Variants in OSBPL6 observed in about 807,000 individuals in gnomAD.
OSBPL6 encodes the protein oxysterol-binding protein-related protein 6.
A neutral mutation model predicts 125.8 loss-of-function variants in OSBPL6; 49 were observed. The ratio of observed to expected loss-of-function variants is 0.39; its 90% CI spans 0.31 to 0.49. The LOEUF is 0.49. OSBPL6 is among the 20% of genes least tolerant of loss of function. The pLI is 0.88. For missense variants in OSBPL6, 986 were observed against 1,135.4 expected (o/e 0.87, Z 1.89); for synonymous variants, 394 against 391.8 (o/e 1.01, Z -0.07).
At chr2:178,226,962 A>G (rs2090590143) in intron 1 of OSBPL6, among the ~76,000 whole-genome samples, 1 of 152,208 alleles carries the variant, frequency 6.6e-6, no homozygotes, top group African/African-American at 2.4e-5. Flanking sequence ...CTTCAATACA[A>G]TTTCTGGGAA....
intron 2 of OSBPL6, among the ~76,000 whole-genome samples, chr2:178,288,955 C>T (rs182155533): frequency 4.1e-4 from 61 of 147,198 alleles, no homozygotes; most frequent in African/African-American, 1.3e-3. Context: ...CGGCCAGGGA[C>T]GTTTTTTCTT....
intron 2 of OSBPL6, among the ~76,000 whole-genome samples, chr2:178,298,043 A>G (rs1231459005): frequency 6.6e-6 from 1 of 152,178 alleles, no homozygotes; most frequent in Non-Finnish European, 1.5e-5. Flanking sequence ...AGACCCTGAT[A>G]ACCACCATTC....
chr2:178,390,487 A>C (rs1695312587), intron 21 of OSBPL6, among the ~76,000 whole-genome samples: 1 of 152,198 alleles, frequency 6.6e-6, no homozygotes, highest in Admixed American at 6.5e-5. Flanking sequence ...TGGGTGCATG[A>C]ATCCAAGGAA....
chr2:178,194,209 C>G (rs1309940629), upstream of OSBPL6, among the ~76,000 whole-genome samples: 1 of 152,154 alleles, frequency 6.6e-6, no homozygotes, highest in East Asian at 1.9e-4. Context: ...CGGGTGATCT[C>G]GGGACACCAC....
intron 1 of OSBPL6, among the ~76,000 whole-genome samples, chr2:178,210,879 G>A (rs967710192): frequency 1.3e-5 from 2 of 151,472 alleles, no homozygotes; most frequent in African/African-American, 4.9e-5. Context: ...TCAGAGGCTG[G>A]GACAAGGACA....
At chr2:178,210,685 G>A (rs1430045550) in intron 1 of OSBPL6, among the ~76,000 whole-genome samples, 2 of 152,036 alleles carry the variant, frequency 1.3e-5, no homozygotes, top group African/African-American at 4.8e-5. Context: ...TGTGGCACAT[G>A]CCTGTAATCC....
intron 11 of OSBPL6, among the ~76,000 whole-genome samples, chr2:178,343,034 T>G (rs1056491281): frequency 2.0e-5 from 3 of 152,132 alleles, no homozygotes; most frequent in African/African-American, 7.2e-5. Flanking sequence ...CATATACATA[T>G]ATGTATGCAG....
intron 1 of OSBPL6, among the ~76,000 whole-genome samples, chr2:178,245,039 A>G (rs1230657401): frequency 6.6e-6 from 1 of 152,198 alleles, no homozygotes; most frequent in Non-Finnish European, 1.5e-5. Flanking sequence ...AAGGATGCAA[A>G]TGTAAAATGA....
At chr2:178,230,859 A>T (rs1320069303) in intron 1 of OSBPL6, among the ~76,000 whole-genome samples, 1 of 152,140 alleles carries the variant, frequency 6.6e-6, no homozygotes, top group Non-Finnish European at 1.5e-5. Context: ...TTGTTAACAA[A>T]TTTCTGTCAT....
intron 1 of OSBPL6, among the ~76,000 whole-genome samples, chr2:178,244,293 T>C (rs191198105): frequency 3.3e-5 from 5 of 152,324 alleles, no homozygotes; most frequent in Non-Finnish European, 7.3e-5. Flanking sequence ...AGAACTACTA[T>C]AACTTAGGTC....
At position 178,389,131 on chromosome 2, in the gene OSBPL6, T is replaced by C; in HGVS notation, c.2279T>C (p.Ile760Thr). ...TIRNTKSSVCICKLTFVKVNY... is the reference protein window; with the variant it reads ...TIRNTKSSVCTCKLTFVKVNY... Reference sequence around the variant, plus strand: ...AGAAATACCAAAAGCAGTGTTTGCATTTGCAAACTCACATTTGTCAAGGTA... The same window carrying C: ...AGAAATACCAAAAGCAGTGTTTGCACTTGCAAACTCACATTTGTCAAGGTA... Residue 760 changes from isoleucine (I) to threonine (T), a missense_variant, in exon 21 of 25, where the codon ATT (isoleucine) becomes ACT (threonine). Physicochemically the swap from Ile to Thr is moderately conservative, Grantham distance 89 (BLOSUM62 -1). Around this residue, in one of 3 missense-constraint regions of OSBPL6, gnomAD observed 843 missense variants for 997.3 expected, o/e 0.85. Transcript: ENST00000190611. 1 of 1,613,748 alleles carries C rather than the reference T, an allele frequency of 6.2e-7. No individual in the cohort carries two copies. Among genetic ancestry groups the C allele is most frequent in the Non-Finnish European group, 8.5e-7 (1 of 1,179,934 alleles).
At chr2:178,394,285 G>A (rs760883981) in intron 23 of OSBPL6, 28 bp from the exon 24 acceptor site, 44 of 1,601,880 alleles carry the variant, frequency 2.7e-5, no homozygotes, top group Middle Eastern at 1.7e-4. Flanking sequence ...AGGATAATAT[G>A]TTAAAATATC....
intron 1 of OSBPL6, among the ~76,000 whole-genome samples, chr2:178,273,151 G>A (rs748269187): frequency 1.2e-4 from 19 of 152,164 alleles, no homozygotes; most frequent in Non-Finnish European, 1.8e-4. Context: ...ATTGCAAGAC[G>A]TTTCATTTGC....
intron 2 of OSBPL6, among the ~76,000 whole-genome samples, chr2:178,296,093 C>A (rs905383938): frequency 4.6e-5 from 7 of 152,010 alleles, no homozygotes; most frequent in Admixed American, 6.6e-5. Flanking sequence ...AGAATGGGGC[C>A]CAATTGGCAA....
intron 11 of OSBPL6, among the ~76,000 whole-genome samples, chr2:178,341,866 C>G (rs1349013575): frequency 2.0e-5 from 3 of 152,124 alleles, no homozygotes; most frequent in African/African-American, 7.2e-5. Context: ...TACTCATTCT[C>G]TACTACTGGG....
At chr2:178,316,355 TA>T (rs565559343) in intron 3 of OSBPL6, among the ~76,000 whole-genome samples, 2 of 152,158 alleles carry the variant, frequency 1.3e-5, no homozygotes, top group Non-Finnish European at 2.9e-5. Flanking sequence ...AGATTTCAGT[TA>T]AAAAAATGTT....
chr2:178,368,268 A>C (rs371526926), intron 13 of OSBPL6, among the ~76,000 whole-genome samples: 1 of 152,160 alleles, frequency 6.6e-6, no homozygotes, highest in African/African-American at 2.4e-5. Context: ...CGATCAAGGC[A>C]AAAGGGGGAG....
intron 1 of OSBPL6, among the ~76,000 whole-genome samples, chr2:178,228,457 G>C (rs546701541): frequency 3.7e-4 from 56 of 152,300 alleles, no homozygotes; most frequent in South Asian, 8.3e-4. Context: ...ATGGCGTGAA[G>C]CCGGGAGGTG....
At chr2:178,368,644 A>G (rs1007723333) in intron 13 of OSBPL6, among the ~76,000 whole-genome samples, 2 of 152,152 alleles carry the variant, frequency 1.3e-5, no homozygotes, top group Non-Finnish European at 2.9e-5. Flanking sequence ...ATTCTTTACC[A>G]GTAGTGGTAA....
Sources: allele counts gnomAD v4.1 joint callset (sites outside exome capture counted in the v4.1 genomes callset), GRCh38; gene constraint gnomAD v4.1.1; regional missense constraint gnomAD v4.1.1; transcripts MANE v1.5; gene names NCBI Gene and HGNC (gene_info 2026-07-23, HGNC 2026-07-21).